Variants in DGKD observed in about 807,000 individuals in gnomAD.
DGKD encodes DAG kinase delta.
Under a neutral mutation model 154.4 loss-of-function variants are expected in DGKD, and 68 were observed. The observed-to-expected ratio is 0.44, with a 90% CI of 0.36 to 0.54. The LOEUF (loss-of-function observed/expected upper bound fraction) is 0.54. Among genes scored for constraint, DGKD ranks in the 20% least tolerant of loss-of-function variants. The pLI is 0.00. For synonymous variants in DGKD, 693 were observed against 638.0 expected, an observed-to-expected ratio of 1.09 and a Z score of -1.30; for missense variants, 1,343 against 1,593.6, an observed-to-expected ratio of 0.84 and a Z score of 2.68.
At position 233,354,655 on chromosome 2, in the gene DGKD, C is replaced by T; in HGVS notation, c.137C>T (p.Ser46Leu). The T allele has an allele frequency of 9.5e-7, 1 of 1,057,704 alleles. No individual in the cohort carries two copies. Among genetic ancestry groups the T allele is most frequent in the Middle Eastern group, 3.7e-4 (1 of 2,684 alleles). 65.5% of individuals were successfully genotyped at this position (1,057,704 alleles called of 1,614,324 possible). Residue 46 changes from serine to leucine, a missense_variant, in exon 1 of 30, where the codon TCG (serine) becomes TTG (leucine). Coordinates refer to ENST00000264057, the MANE Select transcript of DGKD (RefSeq NM_152879.3). This position sits in a 1 kb window ranked among gnomAD's most constrained non-coding sequence, Gnocchi z 4.8. ...PQKLIRKVST[S>L]GQIRQKTIIK... is the part of the protein sequence containing the mutation. ...AAGCTCATCCGCAAGGTGTCCACGT[C>T]GGGTCAGATCCGACAGAAGGTGAGC... is the stretch of plus-strand genomic sequence containing the variant.
At chr2:233,399,846 A>T (rs2061514772) in intron 3 of DGKD, among the ~76,000 whole-genome samples, 1 of 152,054 alleles carries the variant, frequency 6.6e-6, no homozygotes, top group Non-Finnish European at 1.5e-5. Context: ...GTGCTTATGG[A>T]GGTGAGAGAT....
At chr2:233,367,851 C>CTT (rs66652929) in intron 1 of DGKD, among the ~76,000 whole-genome samples, 3 of 124,058 alleles carry the variant, frequency 2.4e-5, no homozygotes, top group East Asian at 2.3e-4. Flanking sequence ...TTTTTTTTTT[C>CTT]TTTTTTTTTT....
At chr2:233,365,436 G>C (rs1444317917) in intron 1 of DGKD, among the ~76,000 whole-genome samples, 1 of 151,972 alleles carries the variant, frequency 6.6e-6, no homozygotes, top group East Asian at 1.9e-4. Flanking sequence ...ATGGAGGGGG[G>C]GTCTCACCGT....
At chr2:233,466,783 C>G (rs1170315561) in intron 27 of DGKD, among the ~76,000 whole-genome samples, 1 of 152,188 alleles carries the variant, frequency 6.6e-6, no homozygotes, top group Non-Finnish European at 1.5e-5. Flanking sequence ...TGTTTAGATA[C>G]TGATATTTAT....
At chr2:233,394,942 G>A (rs1377163793) in intron 3 of DGKD, among the ~76,000 whole-genome samples, 1 of 151,908 alleles carries the variant, frequency 6.6e-6, no homozygotes, top group Non-Finnish European at 1.5e-5. Flanking sequence ...CTGGCCCCAA[G>A]TGATCTGTCT....
chr2:233,417,595 G>A (rs1382673523), intron 3 of DGKD, among the ~76,000 whole-genome samples: 1 of 152,104 alleles, frequency 6.6e-6, no homozygotes, highest in East Asian at 1.9e-4. Flanking sequence ...AGGTTTTCCT[G>A]ATGCTAAGAT....
chr2:233,400,397 C>T (rs2061530827), intron 3 of DGKD, among the ~76,000 whole-genome samples: 1 of 152,148 alleles, frequency 6.6e-6, no homozygotes, highest in South Asian at 2.1e-4. Flanking sequence ...GTGGCCATTT[C>T]CACTCCCACA....
At chr2:233,388,048 T>A in intron 1 of DGKD, 1 of 1,125,482 alleles carries the variant, frequency 8.9e-7, no homozygotes, top group Non-Finnish European at 1.2e-6. Flanking sequence ...CAGGCACACA[T>A]TGCCCCTTAG....
chr2:233,404,796 T>C (rs756218642), intron 3 of DGKD, among the ~76,000 whole-genome samples: 5 of 152,020 alleles, frequency 3.3e-5, no homozygotes, highest in Admixed American at 6.6e-5. Context: ...TGAGCAGACA[T>C]TGGGTGAACG....
At chr2:233,402,465 T>C (rs1384890675) in intron 3 of DGKD, among the ~76,000 whole-genome samples, 1 of 152,158 alleles carries the variant, frequency 6.6e-6, no homozygotes, top group African/African-American at 2.4e-5. Flanking sequence ...TGCTCTGCCC[T>C]TTGGGGTGAC....
chr2:233,453,443 C>A (rs761245557), intron 18 of DGKD, among the ~76,000 whole-genome samples: 9 of 152,348 alleles, frequency 5.9e-5, no homozygotes, highest in Admixed American at 1.3e-4. Context: ...TGGTCTTCCC[C>A]CTGGTAAACA....
At chr2:233,397,006 C>T (rs140848177) in intron 3 of DGKD, among the ~76,000 whole-genome samples, 1 of 21,366 alleles carries the variant, frequency 4.7e-5, no homozygotes, top group Admixed American at 6.4e-4. Flanking sequence ...CCAGAGGGGA[C>T]CAGGGTGGCT....
chr2:233,420,705 T>C (rs1421533315), intron 3 of DGKD, among the ~76,000 whole-genome samples: 1 of 152,270 alleles, frequency 6.6e-6, no homozygotes, highest in African/African-American at 2.4e-5. Flanking sequence ...AACTGATTCC[T>C]GATTCCTGGA....
chr2:233,460,226 C>G lies in DGKD; in HGVS notation c.2862C>G (p.Asp954Glu). ...AGAGCACCCTGAAGTCCTGGGAAGACAAGCAGAAGTGCGAGCTGCCCCGCC... is the reference window on the plus strand; with the variant it reads ...AGAGCACCCTGAAGTCCTGGGAAGAGAAGCAGAAGTGCGAGCTGCCCCGCC... ...AFESTLKSWE[D>E]KQKCELPRPP... The change falls in exon 24 of 30, where the codon GAC becomes GAG. Residue 954 changes from aspartate (D) to glutamate (E), a missense_variant. Transcript: ENST00000264057. The G allele has an allele frequency of 2.5e-6, 4 of 1,613,976 alleles. No homozygotes were observed. In the South Asian group the frequency reaches 4.4e-5, roughly 18 times the overall value.
intron 26 of DGKD, among the ~76,000 whole-genome samples, chr2:233,463,625 TCC>T (rs2063735499): frequency 6.9e-6 from 1 of 144,136 alleles, no homozygotes; most frequent in Non-Finnish European, 1.5e-5. Context: ...ATCTCCTCAC[TCC>T]ACGCATCTCC....
chr2:233,451,629 G>A (rs1253425255), intron 17 of DGKD, among the ~76,000 whole-genome samples: 1 of 149,632 alleles, frequency 6.7e-6, no homozygotes, highest in Non-Finnish European at 1.5e-5. Context: ...GTGCAGTGAT[G>A]TGGTCATGGC....
chr2:233,383,697 C>G (rs553516879), intron 1 of DGKD, among the ~76,000 whole-genome samples: 1 of 152,282 alleles, frequency 6.6e-6, no homozygotes, highest in Middle Eastern at 3.4e-3. Context: ...TGCTGAAGTC[C>G]CCCTCCCTCC....
At chr2:233,450,700 C>T (rs368517096) in intron 16 of DGKD, among the ~76,000 whole-genome samples, 2 of 152,298 alleles carry the variant, frequency 1.3e-5, no homozygotes, top group Non-Finnish European at 1.5e-5. Context: ...CCAGCGCTGC[C>T]ACCTGTGGCC....
chr2:233,366,498 T>C (rs774402755), intron 1 of DGKD, among the ~76,000 whole-genome samples: 3 of 152,270 alleles, frequency 2.0e-5, no homozygotes, highest in East Asian at 1.9e-4. Context: ...TTCTCTGATA[T>C]AAGGAGCTGT....
Sources: gnomAD v4.1 joint callset for allele counts (sites outside exome capture counted in the v4.1 genomes callset) on GRCh38, gnomAD v4.1.1 for gene constraint, Gnocchi (gnomAD v3.1) non-coding constraint, MANE v1.5 for transcripts, NCBI Gene and HGNC (gene_info 2026-07-23, HGNC 2026-07-21) for gene names.